The following SHB variants were observed in gnomAD, a reference collection of about 807,000 sequenced individuals.
The protein encoded by SHB is SH2 domain containing adaptor protein B, also known as SH2 domain-containing adapter protein B.
In SHB, 20 loss-of-function variants were observed where a neutral mutation model predicts 52.3. The ratio of observed to expected loss-of-function variants is 0.38; its 90% CI spans 0.27 to 0.56. The LOEUF (loss-of-function observed/expected upper bound fraction) is 0.56, where lower values mean the gene tolerates loss of function less well. Ranked by LOEUF, SHB falls within the 20% of genes least tolerant of loss-of-function variation. SHB has a pLI of 0.71. For synonymous variants in SHB, 397 were observed against 316.5 expected, an observed-to-expected ratio of 1.25 and a Z score of -2.70; for missense variants, 825 against 723.3, an observed-to-expected ratio of 1.14 and a Z score of -1.61.
intron 2 of SHB, among the ~76,000 whole-genome samples, chr9:37,999,786 G>A (rs77638371): frequency 3.3e-5 from 5 of 152,202 alleles, no homozygotes; most frequent in Non-Finnish European, 7.3e-5. Flanking sequence ...GTCACCTTAG[G>A]ATCTGGCTGA....
rs748113395 is a variant in SHB at position 38,068,297 on chromosome 9, C to T, written c.349G>A (p.Gly117Ser). The change falls in exon 1 of 6, where the codon GGC becomes AGC. Residue 117 changes from glycine to serine, a missense_variant. Physicochemically the swap from Gly to Ser is moderately conservative, Grantham distance 56. Transcript: ENST00000377707. ...TGGACCCCGCCTGGCTCCCCGCTGCCGCCGCAGTAGTCCAGGCGGCACATG... is the reference window on the plus strand; with the variant it reads ...TGGACCCCGCCTGGCTCCCCGCTGCTGCCGCAGTAGTCCAGGCGGCACATG... ...RAMCRLDYCG[G>S]SGEPGGVQRA... 5 of 1,488,206 alleles carry T rather than the reference C, an allele frequency of 3.4e-6. No individual in the cohort carries two copies. In the South Asian group the frequency reaches 6.4e-5, roughly 19 times the overall value. The allele number at this position is 1,488,206 out of a possible 1,614,324, so 92.2% of individuals were successfully genotyped here. A position where few individuals can be genotyped will look rare whatever the true frequency, so the allele number is the denominator to read the frequency against.
Position 37,917,483 on chromosome 9 carries a change from G to A in SHB, c.*2338C>T, listed in dbSNP as rs976412037. Among the ~76,000 whole-genome samples the A allele has an allele frequency of 5.9e-5, 9 of 152,172 alleles. No homozygotes were observed. Among genetic ancestry groups the A allele is most frequent in the African/African-American group, 1.4e-4 (6 of 41,430 alleles). ...TCTACAGGGAAGGACCGTGAGGTGC[G>A]GCCCCACCCAGCAGCCTCAGGAAGT... On this transcript the variant is annotated 3_prime_UTR_variant, in exon 6 of 6. Transcript: ENST00000377707.
At chr9:38,007,770 AG>A (rs1290348596) in intron 2 of SHB, among the ~76,000 whole-genome samples, 2 of 152,174 alleles carry the variant, frequency 1.3e-5, no homozygotes, top group Non-Finnish European at 2.9e-5. Context: ...ACAACAAACA[AG>A]GGAAATGTAA....
Position 37,951,931 on chromosome 9 carries a change from C to T in SHB, c.1227-3177G>A, listed in dbSNP as rs150669505. Among the ~76,000 whole-genome samples the T allele has an allele frequency of 3.1e-3, 477 of 152,304 alleles. 1 individual carries two copies. The highest frequency in any genetic ancestry group is 5.7e-3 in the Non-Finnish European group (390 of 68,018). On this transcript the variant is annotated intron_variant, in intron 4 of 5. Coordinates refer to ENST00000377707, the MANE Select transcript of SHB (RefSeq NM_003028.3). ...GGGCTACAGCCAACTGTTGGGCCCA[C>T]GTAGGCCTTGCTTCACCTGGAAAGA...
At chr9:38,027,998 C>T (rs143404877) in intron 1 of SHB, among the ~76,000 whole-genome samples, 189 of 152,072 alleles carry the variant, frequency 1.2e-3, no homozygotes, top group Non-Finnish European at 1.9e-3. Flanking sequence ...TGGCTCCTAC[C>T]CCGGATCTCA....
chr9:37,929,921 G>GT (rs2118470724), intron 5 of SHB, among the ~76,000 whole-genome samples: 1 of 152,298 alleles, frequency 6.6e-6, no homozygotes, highest in East Asian at 1.9e-4. Flanking sequence ...GGGCAACATC[G>GT]TGAGACCTCA....
At chr9:38,042,221 C>T (rs1034460797) in intron 1 of SHB, among the ~76,000 whole-genome samples, 1 of 152,198 alleles carries the variant, frequency 6.6e-6, no homozygotes, top group East Asian at 1.9e-4. Flanking sequence ...ACGAGTGTTG[C>T]TGCAACAAAG....
At chr9:37,974,145 G>T (rs1431203113) in intron 3 of SHB, among the ~76,000 whole-genome samples, 1 of 152,068 alleles carries the variant, frequency 6.6e-6, no homozygotes, top group Admixed American at 6.5e-5. Flanking sequence ...AATCCCAGCT[G>T]CTTGAGAGGC....
At chr9:37,921,413 C>T (rs535642272) in intron 5 of SHB, among the ~76,000 whole-genome samples, 7 of 152,220 alleles carry the variant, frequency 4.6e-5, no homozygotes, top group African/African-American at 1.7e-4. Context: ...TCTATTAACA[C>T]CTTAATTTGG....
At chr9:38,005,917 T>C (rs1821071446) in intron 2 of SHB, among the ~76,000 whole-genome samples, 1 of 152,092 alleles carries the variant, frequency 6.6e-6, no homozygotes, top group Non-Finnish European at 1.5e-5. Flanking sequence ...CCTGGAATAG[T>C]TTGGGGCCCT....
chr9:37,955,780 G>C, intron 4 of SHB, 103 bp downstream of exon 4: 1 of 1,159,082 alleles, frequency 8.6e-7, no homozygotes, highest in Non-Finnish European at 1.2e-6. Context: ...GAGCCACCAC[G>C]CCCGGCCCAG....
chr9:38,038,003 C>T (rs1821511283), intron 1 of SHB, among the ~76,000 whole-genome samples: 1 of 152,188 alleles, frequency 6.6e-6, no homozygotes, highest in South Asian at 2.1e-4. Flanking sequence ...GTTTAACTAA[C>T]TCCTAACACA....
intron 2 of SHB, among the ~76,000 whole-genome samples, chr9:37,980,487 A>G (rs1336076984): frequency 6.6e-6 from 1 of 152,162 alleles, no homozygotes; most frequent in Non-Finnish European, 1.5e-5. Context: ...TATTTTCATC[A>G]TATTTGCAGT....
chr9:38,038,212 C>A lies in SHB; in HGVS notation c.718-22081G>T, dbSNP rs894242589. On this transcript the variant is annotated intron_variant, in intron 1 of 5. Coordinates refer to ENST00000377707, the MANE Select transcript of SHB (RefSeq NM_003028.3). ...GCTCAGCAGCACACAACAGGCTGGG[C>A]GCACAGGCACCAGGCGTGGTCAGGT... is the stretch of plus-strand genomic sequence containing the variant. Among the ~76,000 whole-genome samples the A allele has an allele frequency of 2.6e-5, 4 of 152,200 alleles. No individual in the cohort carries two copies. In the East Asian group the frequency reaches 7.8e-4, roughly 30 times the overall value.
At chr9:37,997,905 G>C (rs948032602) in intron 2 of SHB, among the ~76,000 whole-genome samples, 4 of 152,236 alleles carry the variant, frequency 2.6e-5, no homozygotes. Context: ...TGAGGCCCAG[G>C]AGGAGACCCT....
At chr9:37,988,592 C>T (rs1820839646) in intron 2 of SHB, among the ~76,000 whole-genome samples, 1 of 152,172 alleles carries the variant, frequency 6.6e-6, no homozygotes. Flanking sequence ...TGCCCACCGA[C>T]AAGCTTCTCT....
intron 2 of SHB, among the ~76,000 whole-genome samples, chr9:37,982,069 A>G (rs1358426313): frequency 6.6e-6 from 1 of 152,138 alleles, no homozygotes; most frequent in Non-Finnish European, 1.5e-5. Context: ...TACTTGAAGG[A>G]AGGTTGCCAC....
intron 2 of SHB, among the ~76,000 whole-genome samples, chr9:37,989,859 A>C (rs1820861519): frequency 6.6e-6 from 1 of 152,198 alleles, no homozygotes; most frequent in Non-Finnish European, 1.5e-5. Context: ...AGAGCCAGGA[A>C]CCTGAAAGTT....
At chr9:38,065,308 G>C (rs552394535) in intron 1 of SHB, among the ~76,000 whole-genome samples, 1 of 152,336 alleles carries the variant, frequency 6.6e-6, no homozygotes, top group East Asian at 1.9e-4. Context: ...GCCACACACA[G>C]ATGGCAGAAA....
Sources: allele counts gnomAD v4.1 joint callset (sites outside exome capture counted in the v4.1 genomes callset), GRCh38; gene constraint gnomAD v4.1.1; transcripts MANE v1.5; gene names NCBI Gene and HGNC (gene_info 2026-07-23, HGNC 2026-07-21).